The following ROBO2 variants were observed in gnomAD, a reference collection of about 807,000 sequenced individuals.
The protein encoded by ROBO2 is roundabout guidance receptor 2.
In ROBO2, 53 loss-of-function variants were observed where a neutral mutation model predicts 160.8. That is an observed-to-expected ratio of 0.33 (90% CI 0.26 to 0.41). The LOEUF is 0.41. Ranked by LOEUF, ROBO2 falls within the 10% of genes least tolerant of loss-of-function variation. ROBO2 has a pLI of 1.00. For synonymous variants in ROBO2, 664 were observed against 611.7 expected (o/e 1.09, Z -1.26); for missense variants, 1,577 against 1,722.4 (o/e 0.92, Z 1.49).
chr3:76,059,434 T>C (rs945868507), intron 2 of ROBO2, among the ~76,000 whole-genome samples: 1 of 152,240 alleles, frequency 6.6e-6, no homozygotes, highest in Non-Finnish European at 1.5e-5. Flanking sequence ...GTTTTCTGGC[T>C]GCATAAATGT....
At chr3:76,770,936 T>C (rs1032965438) in intron 2 of ROBO2, among the ~76,000 whole-genome samples, 2 of 151,308 alleles carry the variant, frequency 1.3e-5, no homozygotes, top group African/African-American at 4.8e-5. Flanking sequence ...TTCTCACCCT[T>C]GACTACAATT....
chr3:76,281,734 TA>T (rs1435471886), intron 2 of ROBO2, among the ~76,000 whole-genome samples: 2 of 152,016 alleles, frequency 1.3e-5, no homozygotes, highest in Non-Finnish European at 2.9e-5. Context: ...TGAAGAAGTA[TA>T]ATTACCCTTT....
intron 2 of ROBO2, among the ~76,000 whole-genome samples, chr3:76,919,599 T>C (rs1478956018): frequency 6.6e-6 from 1 of 152,192 alleles, no homozygotes; most frequent in Non-Finnish European, 1.5e-5. Context: ...TTCAAAACAC[T>C]TGTTTACGCA....
chr3:76,359,135 G>C (rs1022175900), intron 2 of ROBO2, among the ~76,000 whole-genome samples: 6 of 151,102 alleles, frequency 4.0e-5, no homozygotes, highest in Admixed American at 6.6e-5. Context: ...GTATTCCATG[G>C]TGTGTGTGTG....
intron 2 of ROBO2, among the ~76,000 whole-genome samples, chr3:76,099,635 A>T (rs951401425): frequency 1.3e-5 from 2 of 152,216 alleles, no homozygotes; most frequent in Non-Finnish European, 2.9e-5. Context: ...ACATTATAGA[A>T]TCCTGTAAAT....
At chr3:77,213,706 G>C (rs900773824) in intron 2 of ROBO2, among the ~76,000 whole-genome samples, 1 of 151,940 alleles carries the variant, frequency 6.6e-6, no homozygotes, top group East Asian at 1.9e-4. Context: ...GCTTTCTCTT[G>C]TGGGCATTTA....
intron 24 of ROBO2, among the ~76,000 whole-genome samples, chr3:77,639,093 G>A (rs977534252): frequency 2.0e-5 from 3 of 151,916 alleles, no homozygotes; most frequent in Non-Finnish European, 2.9e-5. Context: ...ACCTCCCAAA[G>A]TGCCAGGATT....
intron 2 of ROBO2, among the ~76,000 whole-genome samples, chr3:77,311,781 C>T (rs1251478131): frequency 4.6e-5 from 7 of 152,012 alleles, no homozygotes; most frequent in African/African-American, 1.7e-4. Context: ...TCTTTTCATA[C>T]ATCACTCAAA....
intron 2 of ROBO2, among the ~76,000 whole-genome samples, chr3:77,196,413 T>C (rs545526584): frequency 6.0e-4 from 92 of 152,210 alleles, no homozygotes; most frequent in African/African-American, 2.2e-3. Flanking sequence ...TAAATTGTTT[T>C]TGTGTTTTTG....
chr3:75,954,560 C>A (rs538456036), intron 2 of ROBO2, among the ~76,000 whole-genome samples: 2 of 151,824 alleles, frequency 1.3e-5, no homozygotes, highest in Non-Finnish European at 2.9e-5. Flanking sequence ...TATGTCCCCA[C>A]CCCTAACTCA....
At chr3:77,520,774 C>A (rs1313014155) in intron 5 of ROBO2, among the ~76,000 whole-genome samples, 1 of 151,306 alleles carries the variant, frequency 6.6e-6, no homozygotes, top group Admixed American at 6.6e-5. Flanking sequence ...GCATGTCATG[C>A]AGTTCATAGG....
chr3:76,934,964 T>TC (rs1356201152), intron 2 of ROBO2, among the ~76,000 whole-genome samples: 6 of 151,522 alleles, frequency 4.0e-5, no homozygotes, highest in Non-Finnish European at 8.8e-5. Context: ...CACAAATTTT[T>TC]TTTTTTTTAG....
At chr3:76,668,855 T>C (rs989848741) in intron 2 of ROBO2, among the ~76,000 whole-genome samples, 7 of 152,008 alleles carry the variant, frequency 4.6e-5, no homozygotes, top group South Asian at 4.1e-4. Context: ...ATTTGAGAAA[T>C]AGGAAAATAG....
chr3:77,206,709 C>G (rs981607833), intron 2 of ROBO2, among the ~76,000 whole-genome samples: 1 of 151,908 alleles, frequency 6.6e-6, no homozygotes, highest in African/African-American at 2.4e-5. Context: ...TTAATGCTAG[C>G]CTTTTTTGCA....
intron 2 of ROBO2, among the ~76,000 whole-genome samples, chr3:76,820,720 G>A (rs968464523): frequency 6.6e-6 from 1 of 151,940 alleles, no homozygotes; most frequent in East Asian, 1.9e-4. Context: ...ATTGAAGTAT[G>A]AGAGTCTGGA....
At chr3:77,591,280 G>A (rs937278708) in intron 17 of ROBO2, among the ~76,000 whole-genome samples, 3 of 152,032 alleles carry the variant, frequency 2.0e-5, no homozygotes, top group Non-Finnish European at 4.4e-5. Flanking sequence ...ACAGCTTATC[G>A]GGAAAGGGAA....
intron 2 of ROBO2, among the ~76,000 whole-genome samples, chr3:76,541,065 G>T (rs2082788580): frequency 6.6e-6 from 1 of 152,166 alleles, no homozygotes; most frequent in African/African-American, 2.4e-5. Context: ...CTCCCAGAAT[G>T]CTGTGACTAC....
At chr3:76,254,449 G>A (rs1013794582) in intron 2 of ROBO2, among the ~76,000 whole-genome samples, 13 of 152,030 alleles carry the variant, frequency 8.6e-5, no homozygotes, top group Non-Finnish European at 1.6e-4. Context: ...AATTTTTCCA[G>A]CGTGTAAATG....
intron 2 of ROBO2, among the ~76,000 whole-genome samples, chr3:76,096,541 A>C (rs1488562121): frequency 6.6e-6 from 1 of 152,168 alleles, no homozygotes; most frequent in Non-Finnish European, 1.5e-5. Flanking sequence ...TTATTTTTTT[A>C]TGTATTTGTG....
Sources: allele counts gnomAD v4.1 joint callset (sites outside exome capture counted in the v4.1 genomes callset), GRCh38; gene constraint gnomAD v4.1.1; transcripts MANE v1.5; gene names NCBI Gene and HGNC (gene_info 2026-07-23, HGNC 2026-07-21).